ITGA2: variants seen among roughly 807,000 people sequenced by gnomAD.
ITGA2 encodes integrin subunit alpha 2, also known as integrin alpha-2.
In ITGA2, 101 loss-of-function variants were observed where a neutral mutation model predicts 146.3. That is an observed-to-expected ratio of 0.69 (90% confidence interval 0.59 to 0.81). The LOEUF is 0.81. Ranked by LOEUF, ITGA2 falls within the 40% of genes least tolerant of loss-of-function variation. The probability of loss-of-function intolerance (pLI) is 0.00; values close to 1 mark genes in which losing one functional copy is unlikely to be tolerated. For missense variants in ITGA2, 1,281 were observed against 1,402.7 expected, an observed-to-expected ratio of 0.91 and a Z score of 1.39; for synonymous variants, 477 against 487.1, an observed-to-expected ratio of 0.98 and a Z score of 0.27.
rs1455739587 is a variant in ITGA2 at position 53,093,911 on chromosome 5, A to T, written c.*3312A>T. The T allele has an allele frequency of 6.6e-6, 1 of 152,660 alleles. No homozygotes were observed. The highest frequency in any genetic ancestry group is 2.4e-5 in the African/African-American group (1 of 41,474). 9.5% of individuals were successfully genotyped at this position (152,660 alleles called of 1,614,324 possible). On this transcript the variant is annotated 3_prime_UTR_variant, in exon 30 of 30. Coordinates refer to ENST00000296585, the MANE Select transcript of ITGA2 (RefSeq NM_002203.4). ...TTCAGCAGCAAAATAAGAACTCCTA[A>T]CTGAACAGAAATTTTTCTACCTAGC...
At chr5:53,061,736 A>T (rs1744912579) in intron 12 of ITGA2, among the ~76,000 whole-genome samples, 1 of 151,880 alleles carries the variant, frequency 6.6e-6, no homozygotes, top group Non-Finnish European at 1.5e-5. Flanking sequence ...CTTGACACAC[A>T]TTTAAAATGA....
chr5:52,990,715 T>G (rs1740908261), intron 1 of ITGA2, among the ~76,000 whole-genome samples: 1 of 151,968 alleles, frequency 6.6e-6, no homozygotes, highest in Non-Finnish European at 1.5e-5. Flanking sequence ...AGGTCAGAGA[T>G]AAGAGAGAAA....
chr5:53,021,054 A>G (rs1034928430), intron 1 of ITGA2, among the ~76,000 whole-genome samples: 6 of 151,790 alleles, frequency 4.0e-5, no homozygotes, highest in Non-Finnish European at 4.4e-5. Flanking sequence ...TACACTCACA[A>G]TTGTACTGTT....
rs964852368 is a variant in ITGA2, at chr5:53,042,093, A to T, written c.186-19A>T. On this transcript the variant is annotated intron_variant, in intron 2 of 29. Coordinates refer to ENST00000296585, the MANE Select transcript of ITGA2 (RefSeq NM_002203.4). ...CTATACTTAACACTTTGTGTCTAAT[A>T]AAAAAAATGTGTTTCTAGGTTACTG... is the stretch of plus-strand genomic sequence containing the variant. 3 of 1,408,194 alleles carry T rather than the reference A, an allele frequency of 2.1e-6. No homozygotes were observed. The highest frequency in any genetic ancestry group is 1.0e-6 in the Non-Finnish European group (1 of 993,414). 87.2% of individuals were successfully genotyped at this position (1,408,194 alleles called of 1,614,324 possible).
chr5:53,081,480 T>A, intron 25 of ITGA2, 112 bp from the exon 26 acceptor site: 1 of 807,024 alleles, frequency 1.2e-6, no homozygotes, highest in Non-Finnish European at 2.1e-6. Flanking sequence ...GAAAGAAGCC[T>A]AACAGCCCTT....
At chr5:53,062,302 T>G (rs927571977) in intron 12 of ITGA2, among the ~76,000 whole-genome samples, 1 of 151,934 alleles carries the variant, frequency 6.6e-6, no homozygotes, top group Non-Finnish European at 1.5e-5. Context: ...CTCTGATCAC[T>G]CAGCCTTTGG....
rs150997093 is a variant in ITGA2 at position 53,083,349 on chromosome 5, A to T, written c.3154A>T (p.Thr1052Ser). The T allele has an allele frequency of 1.5e-3, 2,347 of 1,604,560 alleles. 15 individuals carry two copies. Among genetic ancestry groups the T allele is most frequent in the Middle Eastern group, 9.8e-3 (59 of 6,042 alleles). ...GACTCAATACTATAAGAACTGCAGA[A>T]CTGCTTCCTGTAGTAATGTTACCTG... is the stretch of plus-strand genomic sequence containing the variant. ...FRHTKELNCR[T>S]ASCSNVTCWL... The change falls in exon 27 of 30, where the codon ACT (threonine) becomes TCT (serine). Residue 1052 changes from threonine to serine, a missense_variant. Physicochemically the swap from Thr to Ser is moderately conservative, Grantham distance 58 (BLOSUM62 1). Around this residue, in one of 3 missense-constraint regions of ITGA2, gnomAD observed 475 missense variants for 530.5 expected, o/e 0.90. Coordinates refer to ENST00000296585, the MANE Select transcript of ITGA2 (RefSeq NM_002203.4).
At chr5:53,020,595 T>C (rs1159189401) in intron 1 of ITGA2, among the ~76,000 whole-genome samples, 1 of 152,064 alleles carries the variant, frequency 6.6e-6, no homozygotes, top group Non-Finnish European at 1.5e-5. Context: ...CTCATGCTTA[T>C]AGTCCTTCTA....
chr5:53,079,721 A>G (rs889100193), intron 24 of ITGA2, among the ~76,000 whole-genome samples: 2 of 152,172 alleles, frequency 1.3e-5, no homozygotes, highest in African/African-American at 4.8e-5. Flanking sequence ...GTATTTGGCA[A>G]CTACATTCTT....
intron 26 of ITGA2, among the ~76,000 whole-genome samples, chr5:53,082,843 C>T (rs3212623): frequency 0.067 from 10,225 of 152,156 alleles, 372 homozygotes; most frequent in Non-Finnish European, 0.077. Context: ...TCATCCTGCC[C>T]GCCCCACTAG....
intron 2 of ITGA2, among the ~76,000 whole-genome samples, chr5:53,028,812 T>C (rs1283536174): frequency 6.6e-6 from 1 of 152,166 alleles, no homozygotes. Context: ...ATCACCAAAA[T>C]ACCAATTATA....
At chr5:53,034,112 C>T (rs1259333650) in intron 2 of ITGA2, among the ~76,000 whole-genome samples, 1 of 151,884 alleles carries the variant, frequency 6.6e-6, no homozygotes, top group Non-Finnish European at 1.5e-5. Context: ...TTCTTCCATT[C>T]AATTTTATTT....
intron 4 of ITGA2, among the ~76,000 whole-genome samples, chr5:53,045,662 A>G (rs1481374489): frequency 3.3e-5 from 5 of 152,176 alleles, no homozygotes; most frequent in African/African-American, 7.2e-5. Context: ...AAGTGAATTG[A>G]AAGTTAATAT....
chr5:53,044,822 G>A (rs192874264), intron 3 of ITGA2, among the ~76,000 whole-genome samples, 179 bp from the exon 4 acceptor site: 6 of 152,102 alleles, frequency 3.9e-5, no homozygotes, highest in East Asian at 1.9e-4. Context: ...ATTAATGTGC[G>A]TTACCAGATC....
intron 23 of ITGA2, among the ~76,000 whole-genome samples, chr5:53,076,240 A>G (rs1221653164): frequency 6.6e-6 from 1 of 152,014 alleles, no homozygotes; most frequent in Non-Finnish European, 1.5e-5. Context: ...ACCCCTGAAT[A>G]GCACACTGCA....
chr5:53,073,086 GGCTT>G, intron 19 of ITGA2, 28 bp from the exon 20 acceptor site: 1 of 1,607,106 alleles, frequency 6.2e-7, no homozygotes, highest in Non-Finnish European at 8.5e-7. Context: ...TAACAGTAAT[GGCTT>G]TTCCCCCCTC....
intron 1 of ITGA2, among the ~76,000 whole-genome samples, chr5:53,010,970 G>A (rs1380117739): frequency 2.6e-5 from 4 of 152,088 alleles, no homozygotes; most frequent in Non-Finnish European, 5.9e-5. Context: ...CACAGACATA[G>A]AGATTGGAGT....
At chr5:53,042,300 T>A (rs2111886100) in intron 3 of ITGA2, 79 bp downstream of exon 3, 1 of 962,884 alleles carries the variant, frequency 1.0e-6, no homozygotes, top group Admixed American at 1.7e-5. Flanking sequence ...ATCATTGTTC[T>A]GTCTTAAAGA....
intron 1 of ITGA2, among the ~76,000 whole-genome samples, chr5:53,011,000 G>A (rs1742097759): frequency 1.3e-5 from 2 of 152,070 alleles, no homozygotes. Flanking sequence ...ACAAGTTAAG[G>A]AATGCTCACA....
Sources: gnomAD v4.1 joint callset for allele counts (sites outside exome capture counted in the v4.1 genomes callset) on GRCh38, gnomAD v4.1.1 for gene constraint, gnomAD v4.1.1 regional missense constraint, MANE v1.5 for transcripts, NCBI Gene and HGNC (gene_info 2026-07-23, HGNC 2026-07-21) for gene names.